Variants in NEIL3 observed in about 807,000 individuals in gnomAD.
The protein encoded by NEIL3 is endonuclease 8-like 3.
In NEIL3, 48 loss-of-function variants were observed where a neutral mutation model predicts 57.5. The observed-to-expected ratio is 0.83, with a 90% CI of 0.66 to 1.06. The LOEUF (loss-of-function observed/expected upper bound fraction) is 1.06, where lower values mean the gene tolerates loss of function less well. Ranked by LOEUF, NEIL3 falls within the 50% of genes least tolerant of loss-of-function variation. The pLI, the probability that NEIL3 is intolerant of heterozygous loss-of-function variation, is 0.00. For missense variants in NEIL3, 717 were observed against 739.1 expected (o/e 0.97, Z 0.35); for synonymous variants, 261 against 253.2 (o/e 1.03, Z -0.29).
intron 6 of NEIL3, among the ~76,000 whole-genome samples, chr4:177,346,101 C>G (rs1267062529): frequency 6.6e-6 from 1 of 152,162 alleles, no homozygotes; most frequent in African/African-American, 2.4e-5. Context: ...TACAACTGCT[C>G]TCTTGAAAAT....
chr4:177,319,550 C>A (rs1210703371), intron 1 of NEIL3, among the ~76,000 whole-genome samples: 1 of 152,064 alleles, frequency 6.6e-6, no homozygotes, highest in Admixed American at 6.6e-5. Flanking sequence ...TTGGTGCCCC[C>A]ATCACCTGGG....
chr4:177,334,070 G>A (rs1186276342), intron 2 of NEIL3, among the ~76,000 whole-genome samples: 1 of 151,806 alleles, frequency 6.6e-6, no homozygotes, highest in Non-Finnish European at 1.5e-5. Context: ...AATTAATTAT[G>A]AGGAATCCTG....
chr4:177,319,734 T>C (rs17064614), intron 1 of NEIL3, among the ~76,000 whole-genome samples: 10,597 of 152,110 alleles, frequency 0.07, 1,102 homozygotes, highest in African/African-American at 0.23. Flanking sequence ...AGCAAATTCT[T>C]TCCTACCGAA....
At chr4:177,329,333 C>T (rs1002458216) in intron 2 of NEIL3, among the ~76,000 whole-genome samples, 7 of 151,742 alleles carry the variant, frequency 4.6e-5, no homozygotes, top group Non-Finnish European at 1.0e-4. Flanking sequence ...AACACAAGAC[C>T]CAACTATAAT....
At chr4:177,313,478 T>C (rs1683899182) in intron 1 of NEIL3, among the ~76,000 whole-genome samples, 1 of 152,220 alleles carries the variant, frequency 6.6e-6, no homozygotes, top group African/African-American at 2.4e-5. Flanking sequence ...TGTGCAACAG[T>C]ATAAGCAAAT....
At chr4:177,314,592 A>G (rs1397735352) in intron 1 of NEIL3, among the ~76,000 whole-genome samples, 1 of 152,158 alleles carries the variant, frequency 6.6e-6, no homozygotes, top group African/African-American at 2.4e-5. Flanking sequence ...AGGGTTTGTA[A>G]TCATTTGGTG....
chr4:177,341,770 C>T, intron 6 of NEIL3, 128 bp downstream of exon 6: 1 of 784,172 alleles, frequency 1.3e-6, no homozygotes, highest in South Asian at 2.2e-5. Flanking sequence ...GTATTTTAGT[C>T]CTTGAAAGGA....
chr4:177,359,727 A>G (rs1735569827), intron 8 of NEIL3, among the ~76,000 whole-genome samples: 2 of 152,238 alleles, frequency 1.3e-5, no homozygotes, highest in African/African-American at 4.8e-5. Flanking sequence ...TCTTAAAGGC[A>G]TTATTAAAAT....
chr4:177,344,283 C>T (rs1224161043), intron 6 of NEIL3, among the ~76,000 whole-genome samples: 2 of 152,050 alleles, frequency 1.3e-5, no homozygotes, highest in African/African-American at 2.4e-5. Flanking sequence ...GATGATTTGC[C>T]CTGTTCTTAG....
chr4:177,358,353 G>A (rs1402888577), intron 8 of NEIL3, among the ~76,000 whole-genome samples: 1 of 152,106 alleles, frequency 6.6e-6, no homozygotes, highest in Non-Finnish European at 1.5e-5. Flanking sequence ...CTGTTGCCAG[G>A]CTGGAGTGCA....
At chr4:177,323,753 C>A (rs954411254) in intron 2 of NEIL3, among the ~76,000 whole-genome samples, 1 of 152,118 alleles carries the variant, frequency 6.6e-6, no homozygotes, top group Non-Finnish European at 1.5e-5. Flanking sequence ...GTTATTGATT[C>A]TCTGGTGTTA....
At chr4:177,338,324 A>G (rs1446292009) in intron 4 of NEIL3, among the ~76,000 whole-genome samples, 2 of 152,124 alleles carry the variant, frequency 1.3e-5, no homozygotes, top group African/African-American at 2.4e-5. Context: ...TTCCCTCAGT[A>G]TACACAGGGG....
chr4:177,310,052 G>T lies in NEIL3; in HGVS notation c.99G>T (p.Arg33=), dbSNP rs1734446349. The stretch of plus-strand genomic sequence containing the variant: ...CCGGCGTGCGGGGAAGCGCTCTGCG[G>T]AGTCTGCAGGGCCGCGCCTTGCGGC... The part of the protein sequence containing the change: ...AVTGVRGSAL[R]SLQGRALRLA... The change falls in exon 1 of 10, where the codon CGG becomes CGT. Residue 33 remains arginine (R), a synonymous_variant. Transcript: ENST00000264596. The T allele has an allele frequency of 6.2e-7, 1 of 1,608,292 alleles. No homozygotes were observed. Among genetic ancestry groups the T allele is most frequent in the Non-Finnish European group, 8.5e-7 (1 of 1,178,188 alleles).
intron 8 of NEIL3, chr4:177,356,931 G>A (rs1020228519): frequency 1.3e-5 from 2 of 152,182 alleles, no homozygotes; most frequent in Admixed American, 6.5e-5. Context: ...TTTTTCCTGC[G>A]TTGATGCAAA....
At chr4:177,368,014 G>C in the NEIL3 span, among the ~76,000 whole-genome samples, 1 of 152,160 alleles carries the variant, frequency 6.6e-6, no homozygotes, top group East Asian at 1.9e-4. Context: ...GCCATGGTTT[G>C]AATGAACTTT....
intron 2 of NEIL3, among the ~76,000 whole-genome samples, chr4:177,323,721 C>T (rs377351828): frequency 6.6e-6 from 1 of 152,190 alleles, no homozygotes; most frequent in South Asian, 2.1e-4. Flanking sequence ...GATCTATGCA[C>T]GATAGTTGAA....
chr4:177,366,541 A>G (rs1483992754), downstream of NEIL3, among the ~76,000 whole-genome samples: 2 of 152,084 alleles, frequency 1.3e-5, no homozygotes, highest in Non-Finnish European at 2.9e-5. Context: ...TGGGATTACA[A>G]GCACCTGCCA....
At chr4:177,311,065 T>A (rs1367901210) in intron 1 of NEIL3, among the ~76,000 whole-genome samples, 1 of 152,204 alleles carries the variant, frequency 6.6e-6, no homozygotes, top group Non-Finnish European at 1.5e-5. Context: ...ACTCTGTACC[T>A]ATTTTTTTTT....
chr4:177,363,617 G>C (rs1735651951), downstream of NEIL3, among the ~76,000 whole-genome samples: 1 of 152,114 alleles, frequency 6.6e-6, no homozygotes, highest in African/African-American at 2.4e-5. Context: ...AAGGTCCACT[G>C]CAAAAAGGAC....
Sources: allele counts gnomAD v4.1 joint callset (sites outside exome capture counted in the v4.1 genomes callset), GRCh38; gene constraint gnomAD v4.1.1; transcripts MANE v1.5; gene names NCBI Gene and HGNC (gene_info 2026-07-23, HGNC 2026-07-21).